PSEN2: variants seen among roughly 807,000 people sequenced by gnomAD.
The protein encoded by PSEN2 is presenilin-2.
PSEN2 carries 32 observed loss-of-function variants against 49.1 expected under a neutral mutation model. The observed-to-expected ratio is 0.65, with a 90% CI of 0.49 to 0.88. PSEN2 has a LOEUF of 0.88. Ranked by LOEUF, PSEN2 falls within the 40% of genes least tolerant of loss-of-function variation. The pLI, the probability that PSEN2 is intolerant of heterozygous loss-of-function variation, is 0.00. For missense variants in PSEN2, 522 were observed against 586.9 expected (o/e 0.89, Z 1.14); for synonymous variants, 255 against 244.0 (o/e 1.05, Z -0.42).
rs940775081 is a variant in PSEN2 at position 226,894,007 on chromosome 1, G to C, written c.1073G>C (p.Arg358Thr). Residue 358 changes from arginine (R) to threonine (T), a missense_variant and splice_region_variant, in exon 12 of 13, where the codon AGG (arginine) becomes ACG (threonine). Transcript: ENST00000366783. ...CGGGTTACTGTCTCTCCTCACACAG[G>C]GGGCGTGAAGCTTGGCCTCGGGGAC... ...PGEELEEEEERGVKLGLGDFI... is the reference protein window; with the variant it reads ...PGEELEEEEETGVKLGLGDFI... 1 of 1,611,884 alleles carries C rather than the reference G, an allele frequency of 6.2e-7. No homozygotes were observed. The highest frequency in any genetic ancestry group is 8.5e-7 in the Non-Finnish European group (1 of 1,177,916).
chr1:226,879,963 A>G (rs1184900431), intron 3 of PSEN2, among the ~76,000 whole-genome samples: 1 of 152,250 alleles, frequency 6.6e-6, no homozygotes, highest in Non-Finnish European at 1.5e-5. Flanking sequence ...AAGTCCCTGT[A>G]GGAATAATCC....
chr1:226,890,048 G>A lies in PSEN2; in HGVS notation c.801G>A (p.Val267=), dbSNP rs780721688. Reference sequence around the variant, plus strand: ...CTGTCTTCCTAGATCTCGTGGCTGTGCTGTGTCCCAAAGGGCCTCTGAGAA... The same window carrying A: ...CTGTCTTCCTAGATCTCGTGGCTGTACTGTGTCCCAAAGGGCCTCTGAGAA... ...GAISVYDLVA[V]LCPKGPLRML... The change falls in exon 9 of 13, where the codon GTG becomes GTA. Residue 267 remains valine (V), a synonymous_variant. Transcript: ENST00000366783. 2 of 1,613,750 alleles carry A rather than the reference G, an allele frequency of 1.2e-6. No individual in the cohort carries two copies. The highest frequency in any genetic ancestry group is 4.5e-5 in the East Asian group (2 of 44,882).
intron 1 of PSEN2, 71 bp downstream of exon 1, chr1:226,870,720 G>C (rs1660217026): frequency 6.6e-6 from 1 of 151,534 alleles, no homozygotes; most frequent in African/African-American, 2.4e-5. Flanking sequence ...CCCGGGGTGG[G>C]GCTGCGCCCT....
chr1:226,871,649 A>G (rs1294853948), intron 2 of PSEN2, among the ~76,000 whole-genome samples: 4 of 152,348 alleles, frequency 2.6e-5, no homozygotes, highest in Admixed American at 6.5e-5. Context: ...AAGGCTGTCT[A>G]CGAAGTAACT....
At chr1:226,890,860 C>A in intron 9 of PSEN2, 2 of 230,144 alleles carry the variant, frequency 8.7e-6, no homozygotes, top group Middle Eastern at 1.7e-3. Context: ...TACCTTCATG[C>A]AGTTGAGGAT....
In PSEN2 at chr1:226,888,952, C is replaced by G. The variant is rs145010538; in HGVS notation, c.690C>G (p.Ala230=). The G allele has an allele frequency of 4.0e-4, 646 of 1,614,174 alleles. 1 individual carries two copies. Among genetic ancestry groups the G allele is most frequent in the Non-Finnish European group, 5.1e-4 (604 of 1,180,030 alleles). Reference sequence around the variant, plus strand: ...AGGGCCCTCTGGTGCTGCAGCAGGCCTACCTCATCATGATCAGTGCGCTCA... The same window carrying G: ...AGGGCCCTCTGGTGCTGCAGCAGGCGTACCTCATCATGATCAGTGCGCTCA... ...HWKGPLVLQQ[A]YLIMISALMA... Residue 230 remains alanine, a synonymous_variant, in exon 8 of 13, where the codon GCC becomes GCG. Coordinates refer to ENST00000366783, the MANE Select transcript of PSEN2 (RefSeq NM_000447.3).
At chr1:226,898,307 A>C (rs1037316106), downstream of PSEN2, 12 of 152,190 alleles carry the variant, frequency 7.9e-5, no homozygotes, top group African/African-American at 2.7e-4. Context: ...TACTGTTTAT[A>C]TGCTATTGAT....
At chr1:226,889,895 G>A (rs1661624314) in intron 8 of PSEN2, 140 bp from the exon 9 acceptor site, 1 of 737,532 alleles carries the variant, frequency 1.4e-6, no homozygotes, top group South Asian at 1.5e-5. Context: ...AGTTGTGACT[G>A]GAGAATGAGA....
chr1:226,890,482 G>A, intron 9 of PSEN2: 1 of 340,978 alleles, frequency 2.9e-6, no homozygotes, highest in South Asian at 2.6e-5. Flanking sequence ...TCAGGGCAGG[G>A]GGTCGGGGAG....
chr1:226,878,646 G>A (rs903547583), intron 3 of PSEN2, among the ~76,000 whole-genome samples: 1 of 152,166 alleles, frequency 6.6e-6, no homozygotes, highest in African/African-American at 2.4e-5. Flanking sequence ...TTTAGGTACA[G>A]GGACTCCCAG....
At chr1:226,891,013 C>T (rs536845657) in intron 9 of PSEN2, 15 of 526,180 alleles carry the variant, frequency 2.9e-5, no homozygotes, top group African/African-American at 1.3e-4. Context: ...GGGATTCACC[C>T]GTGAACTGTG....
At position 226,891,777 on chromosome 1, in the gene PSEN2, A is replaced by T. The variant is rs781365270; in HGVS notation, c.1005A>T (p.Ser335=). 13 of 1,614,028 alleles carry T rather than the reference A, an allele frequency of 8.1e-6. No homozygotes were observed. The Admixed American group carries it at 2.0e-4, about 25-fold the overall frequency. ...CCTATGACAGTTTTGGGGAGCCTTC[A>T]TACCCCGAAGTCTTTGAGCCTCCCT... ...EDSYDSFGEP[S]YPEVFEPPLT... The change falls in exon 11 of 13, where the codon TCA becomes TCT. Residue 335 remains serine, a synonymous_variant. Transcript: ENST00000366783.
chr1:226,874,291 G>A (rs1660487962), intron 2 of PSEN2, among the ~76,000 whole-genome samples: 1 of 152,180 alleles, frequency 6.6e-6, no homozygotes, highest in African/African-American at 2.4e-5. Context: ...AGAGCTCCTT[G>A]ATGGGCAGTT....
At chr1:226,901,974 A>C (rs1463759556) in intron 12 of PSEN2, among the ~76,000 whole-genome samples, 3 of 152,220 alleles carry the variant, frequency 2.0e-5, no homozygotes, top group Non-Finnish European at 4.4e-5. Flanking sequence ...CAAACCCAGA[A>C]GACTCCTTAG....
rs1662075025 is a variant in PSEN2 at position 226,895,413 on chromosome 1, A to G, written c.1192-11A>G. 4 of 1,613,724 alleles carry G rather than the reference A, an allele frequency of 2.5e-6. No homozygotes were observed. In the South Asian group the frequency reaches 3.3e-5, roughly 13 times the overall value. On this transcript the variant is annotated splice_polypyrimidine_tract_variant and intron_variant, in intron 12 of 12. Coordinates refer to ENST00000366783, the MANE Select transcript of PSEN2 (RefSeq NM_000447.3). ...GATCACCACGCTCACCCTCCCCTCC[A>G]TGTCCTGCAGGGCTTGTGTCTGACC... is the stretch of plus-strand genomic sequence containing the variant.
rs776454542 is a variant in PSEN2 at position 226,880,694 on chromosome 1, C to G, written c.-20-1194C>G. The G allele has an allele frequency of 1.9e-6, 3 of 1,612,938 alleles. No homozygotes were observed. The Admixed American group carries it at 5.0e-5, about 27-fold the overall frequency. On this transcript the variant is annotated intron_variant, in intron 3 of 12. Coordinates refer to ENST00000366783, the MANE Select transcript of PSEN2 (RefSeq NM_000447.3). ...TGCCAGGCATTGTTTGAAGTTCTTC[C>G]CAGCCCAGAAACCTGCATGTGTAGA...
rs780103765 is a variant in PSEN2 at position 226,891,333 on chromosome 1, C to T, written c.942C>T (p.Ala314=). The change falls in exon 10 of 13, where the codon GCC becomes GCT. Residue 314 remains alanine, a synonymous_variant. Transcript: ENST00000366783. ...MAKLDPSSQG[A]LQLPYDPEME... Reference sequence around the variant, plus strand: ...AGCTGGACCCCTCCTCTCAGGGTGCCCTCCAGCTCCCCTACGACCCGGAGA... The same window carrying T: ...AGCTGGACCCCTCCTCTCAGGGTGCTCTCCAGCTCCCCTACGACCCGGAGA... 3 of 1,613,794 alleles carry T rather than the reference C, an allele frequency of 1.9e-6. No homozygotes were observed. In the South Asian group the frequency reaches 3.3e-5, roughly 18 times the overall value.
chr1:226,877,512 AT>A (rs1660710471), intron 3 of PSEN2, among the ~76,000 whole-genome samples: 1 of 152,174 alleles, frequency 6.6e-6, no homozygotes, highest in Non-Finnish European at 1.5e-5. Context: ...GGGATTCAGC[AT>A]TTCCTAAGTT....
intron 4 of PSEN2, among the ~76,000 whole-genome samples, chr1:226,882,807 T>G (rs1661083954): frequency 6.6e-6 from 1 of 152,222 alleles, no homozygotes; most frequent in Non-Finnish European, 1.5e-5. Context: ...CTGCCACTCC[T>G]CAGCCTTTTC....
Sources: gnomAD v4.1 joint callset for allele counts (sites outside exome capture counted in the v4.1 genomes callset) on GRCh38, gnomAD v4.1.1 for gene constraint, MANE v1.5 for transcripts, NCBI Gene and HGNC (gene_info 2026-07-23, HGNC 2026-07-21) for gene names.